The following RNF213 variants were observed in gnomAD, a reference collection of about 807,000 sequenced individuals.
The protein encoded by RNF213 is ring finger protein 213, also known as E3 ubiquitin-protein ligase RNF213.
Under a neutral mutation model 514.4 loss-of-function variants are expected in RNF213, and 341 were observed. The ratio of observed to expected loss-of-function variants is 0.66; its 90% confidence interval spans 0.61 to 0.73. The LOEUF (loss-of-function observed/expected upper bound fraction) is 0.73, where lower values mean the gene tolerates loss of function less well. Ranked by LOEUF, RNF213 falls within the 30% of genes least tolerant of loss-of-function variation. RNF213 has a pLI of 0.00. For missense variants in RNF213, 5,767 were observed against 6,615.6 expected (o/e 0.87, Z 4.45); for synonymous variants, 2,655 against 2,658.2 (o/e 1.00, Z 0.04).
intron 46 of RNF213, among the ~76,000 whole-genome samples, chr17:80,370,078 C>T (rs978503383): frequency 1.6e-4 from 25 of 152,156 alleles, no homozygotes; most frequent in African/African-American, 5.3e-4. Context: ...CACAAGCACA[C>T]GCATCTAGCA....
chr17:80,391,016 C>T lies in RNF213; in HGVS notation c.15470+820C>T, dbSNP rs548702600. Among the ~76,000 whole-genome samples, 6 of 152,120 alleles carry T rather than the reference C, an allele frequency of 3.9e-5. No homozygotes were observed. The East Asian group carries it at 5.8e-4, about 15-fold the overall frequency. Reference sequence around the variant, plus strand: ...GGTGGAGATTGCAGTGAGCTGAGATCGCACCACTGCACTCCAGCCTGGGCA... The same window carrying T: ...GGTGGAGATTGCAGTGAGCTGAGATTGCACCACTGCACTCCAGCCTGGGCA... On this transcript the variant is annotated intron_variant, in intron 67 of 67. Transcript: ENST00000582970.
intron 1 of RNF213, among the ~76,000 whole-genome samples, chr17:80,262,816 GAGGGCAGGGCC>G (rs1346315870): frequency 1.3e-5 from 2 of 152,176 alleles, no homozygotes; most frequent in African/African-American, 4.8e-5. Flanking sequence ...AGTGGGAGGA[GAGGGCAGGGCC>G]AGGGCAGGGA....
At chr17:80,302,517 C>T (rs2045216640) in intron 11 of RNF213, among the ~76,000 whole-genome samples, 1 of 152,080 alleles carries the variant, frequency 6.6e-6, no homozygotes, top group Non-Finnish European at 1.5e-5. Flanking sequence ...AGAAATATAA[C>T]ACTGTTCCCC....
In RNF213 at chr17:80,288,089, T is replaced by A; in HGVS notation, c.536T>A (p.Leu179Ter). 4 of 1,608,578 alleles carry A rather than the reference T, an allele frequency of 2.5e-6. No homozygotes were observed. The highest frequency in any genetic ancestry group is 3.4e-6 in the Non-Finnish European group (4 of 1,176,596). The stretch of plus-strand genomic sequence containing the variant: ...GACAGCCCCCTGCAGGCCCAGGCTT[T>A]GGGAGAGGCAGGAGTGGCCACAGGA... ...VGDSPLQAQA[L>*]GEAGVATGSE... Residue 179 changes from leucine (L) to a stop codon, truncating the protein, a stop_gained, in exon 4 of 68, where the codon TTG becomes TAG. Coordinates refer to ENST00000582970, the MANE Select transcript of RNF213 (RefSeq NM_001256071.3). LOFTEE classifies it high-confidence loss of function. The surrounding 1 kb of genome is among the most constrained non-coding windows in gnomAD (Gnocchi z 4.9).
chr17:80,374,693 C>A, intron 50 of RNF213, 104 bp downstream of exon 50: 3 of 1,375,108 alleles, frequency 2.2e-6, no homozygotes, highest in Middle Eastern at 1.9e-4. Flanking sequence ...ACCACTGATG[C>A]AGCCCATCAC....
intron 13 of RNF213, among the ~76,000 whole-genome samples, chr17:80,308,171 G>C (rs1310654904): frequency 6.6e-6 from 1 of 152,026 alleles, no homozygotes; most frequent in African/African-American, 2.4e-5. Flanking sequence ...TGTTGTCTGA[G>C]CTGTTCTCTG....
rs1385920766 is a variant in RNF213 at position 80,336,115 on chromosome 17, T to A, written c.4310-46T>A. ...TACTGCCCAAGACCGAGTCTTGTGC[T>A]ATCGTGGAATAGTCCCACGCTGAAC... On this transcript the variant is annotated intron_variant, in intron 22 of 67. Coordinates refer to ENST00000582970, the MANE Select transcript of RNF213 (RefSeq NM_001256071.3). The A allele has an allele frequency of 2.1e-6, 3 of 1,435,770 alleles. No individual in the cohort carries two copies. In the African/African-American group the frequency reaches 4.2e-5, roughly 20 times the overall value. The allele number at this position is 1,435,770 out of a possible 1,614,324, so 88.9% of individuals were successfully genotyped here. A position where few individuals can be genotyped will look rare whatever the true frequency, so the allele number is the denominator to read the frequency against.
rs2144566157 is a variant in RNF213, at chr17:80,377,665, TG to T, written c.13511-95del. 1 of 1,305,608 alleles carries T rather than the reference TG, an allele frequency of 7.7e-7. No homozygotes were observed. Among genetic ancestry groups the T allele is most frequent in the Non-Finnish European group, 1.1e-6 (1 of 898,424 alleles). 80.9% of individuals were successfully genotyped at this position (1,305,608 alleles called of 1,614,324 possible). On this transcript the variant is annotated intron_variant, in intron 53 of 67. Coordinates refer to ENST00000582970, the MANE Select transcript of RNF213 (RefSeq NM_001256071.3). This position sits in a 1 kb window ranked among gnomAD's most constrained non-coding sequence, Gnocchi z 4.1. ...GCTCTGGACAGTCATTCTCATATTG[TG>T]GTCAGGGCCAGAGAGTAGAGAGTTA...
At chr17:80,333,104 A>T (rs941600827) in intron 21 of RNF213, among the ~76,000 whole-genome samples, 1 of 150,884 alleles carries the variant, frequency 6.6e-6, no homozygotes, top group African/African-American at 2.4e-5. Flanking sequence ...GCTGGAGTGC[A>T]GTGGCGCGAT....
At chr17:80,300,025 C>G (rs181298924) in intron 11 of RNF213, among the ~76,000 whole-genome samples, 3 of 152,152 alleles carry the variant, frequency 2.0e-5, no homozygotes, top group Non-Finnish European at 4.4e-5. Context: ...AATGAACATA[C>G]ATGGGCATGT....
chr17:80,390,654 C>T (rs2080428554), intron 67 of RNF213, among the ~76,000 whole-genome samples: 1 of 152,224 alleles, frequency 6.6e-6, no homozygotes, highest in East Asian at 1.9e-4. Context: ...GCTTTGGCCT[C>T]TCAAAGTGCT....
Position 80,347,722 on chromosome 17 carries a change from G to A in RNF213, c.9387G>A (p.Val3129=). 6.2e-7 allele frequency: 1 copy of A among 1,614,058 alleles called. No individual in the cohort carries two copies. The highest frequency in any genetic ancestry group is 1.7e-5 in the Admixed American group (1 of 60,030). Residue 3129 remains valine, a synonymous_variant, in exon 29 of 68, where the codon GTG becomes GTA. Coordinates refer to ENST00000582970, the MANE Select transcript of RNF213 (RefSeq NM_001256071.3). This position sits in a 1 kb window ranked among gnomAD's most constrained non-coding sequence, Gnocchi z 7.2. ...YYVHLGGQKY[V]DLGLGTHRVK... Reference sequence around the variant, plus strand: ...TCCACCTCGGCGGCCAGAAGTACGTGGACCTCGGTCTGGGGACCCACCGCG... The same window carrying A: ...TCCACCTCGGCGGCCAGAAGTACGTAGACCTCGGTCTGGGGACCCACCGCG...
Position 80,293,143 on chromosome 17 carries a change from A to G in RNF213, c.1471+1316A>G, listed in dbSNP as rs148722269. Among the ~76,000 whole-genome samples, 644 of 152,040 alleles carry G rather than the reference A, an allele frequency of 4.2e-3. 36 individuals are homozygous for G. The East Asian group carries it at 0.096, about 23-fold the overall frequency. ...CACGATCTCGGCTCACTACAGCCTC[A>G]ACCACCAGGGCTCAGCTGATCCTCC... On this transcript the variant is annotated intron_variant, in intron 8 of 67. Transcript: ENST00000582970.
At position 80,343,407 on chromosome 17, in the gene RNF213, T is replaced by A; in HGVS notation, c.6183+82T>A. 8.2e-7 allele frequency: 1 copy of A among 1,221,010 alleles called. No homozygotes were observed. Among genetic ancestry groups the A allele is most frequent in the Non-Finnish European group, 1.2e-6 (1 of 846,024 alleles). The allele number at this position is 1,221,010 out of a possible 1,614,324, so 75.6% of individuals were successfully genotyped here. The stretch of plus-strand genomic sequence containing the variant: ...TCTCTGCGTGACTCCTCCCCGTGTA[T>A]AGAATTCCTTGTTTCCACACGCACA... On this transcript the variant is annotated intron_variant, in intron 27 of 67. Coordinates refer to ENST00000582970, the MANE Select transcript of RNF213 (RefSeq NM_001256071.3). This position sits in a 1 kb window ranked among gnomAD's most constrained non-coding sequence, Gnocchi z 4.3.
chr17:80,333,393 G>A (rs1413618331), intron 21 of RNF213, among the ~76,000 whole-genome samples: 2 of 149,652 alleles, frequency 1.3e-5, no homozygotes, highest in East Asian at 2.1e-4. Context: ...TAGGTAGACC[G>A]AGATAATGAT....
chr17:80,288,610 C>T lies in RNF213; in HGVS notation c.811-23C>T. The T allele has an allele frequency of 6.2e-7, 1 of 1,614,164 alleles. No homozygotes were observed. ...ACCCTGGCCCATTTTGTCACCTTGGCTCTGGTGTTTGGGGTCTTTCAGGCA... is the reference window on the plus strand; with the variant it reads ...ACCCTGGCCCATTTTGTCACCTTGGTTCTGGTGTTTGGGGTCTTTCAGGCA... On this transcript the variant is annotated intron_variant, in intron 4 of 67. Transcript: ENST00000582970. This position sits in a 1 kb window ranked among gnomAD's most constrained non-coding sequence, Gnocchi z 4.9.
Position 80,347,598 on chromosome 17 carries a change from A to G in RNF213, c.9263A>G (p.Asn3088Ser). The G allele has an allele frequency of 6.2e-7, 1 of 1,614,120 alleles. No individual in the cohort carries two copies. Among genetic ancestry groups the G allele is most frequent in the Non-Finnish European group, 8.5e-7 (1 of 1,180,032 alleles). The change falls in exon 29 of 68, where the codon AAT becomes AGT. Residue 3088 changes from asparagine to serine, a missense_variant. Asn to Ser is a conservative substitution (Grantham distance 46). This residue lies in a region of RNF213 where 919 missense variants were observed against 1,121.0 expected (regional missense o/e 0.82). Transcript: ENST00000582970. The surrounding 1 kb of genome is among the most constrained non-coding windows in gnomAD (Gnocchi z 7.2). The stretch of plus-strand genomic sequence containing the variant: ...TACACCCAGCTCTGCAGAAACATCA[A>G]TCGTGTGAAGATCTGCATGGAAACA... ...QEYTQLCRNI[N>S]RVKICMETGK... is the part of the protein sequence containing the mutation.
Position 80,353,922 on chromosome 17 carries a change from G to C in RNF213, c.10579-97G>C, listed in dbSNP as rs994036083. ...TCCGTGAGGACCGCCGCCCTGTGCT[G>C]TTTGCTGCATTGAGACCCTCATCGC... On this transcript the variant is annotated intron_variant, in intron 34 of 67. Coordinates refer to ENST00000582970, the MANE Select transcript of RNF213 (RefSeq NM_001256071.3). The surrounding 1 kb of genome is among the most constrained non-coding windows in gnomAD (Gnocchi z 5.0). The C allele has an allele frequency of 1.3e-6, 2 of 1,511,224 alleles. No individual in the cohort carries two copies. Among genetic ancestry groups the C allele is most frequent in the Non-Finnish European group, 1.8e-6 (2 of 1,095,870 alleles). 93.6% of individuals were successfully genotyped at this position (1,511,224 alleles called of 1,614,324 possible).
intron 44 of RNF213, among the ~76,000 whole-genome samples, chr17:80,368,438 T>G (rs1025320531): frequency 2.6e-5 from 4 of 151,358 alleles, no homozygotes; most frequent in East Asian, 3.9e-4. Context: ...CCAGTGTTTT[T>G]TTTTTTTTTT....
Sources: allele counts gnomAD v4.1 joint callset (sites outside exome capture counted in the v4.1 genomes callset), GRCh38; gene constraint gnomAD v4.1.1; regional missense constraint gnomAD v4.1.1; non-coding constraint Gnocchi (gnomAD v3.1); transcripts MANE v1.5; gene names NCBI Gene and HGNC (gene_info 2026-07-23, HGNC 2026-07-21).